RASGRP3: variants seen among roughly 807,000 people sequenced by gnomAD.
RASGRP3 encodes RAS guanyl releasing protein 3.
A neutral mutation model predicts 82.7 loss-of-function variants in RASGRP3; 54 were observed. That is an observed-to-expected ratio of 0.65 (90% CI 0.52 to 0.82). The LOEUF (loss-of-function observed/expected upper bound fraction) is 0.82, where lower values mean the gene tolerates loss of function less well. RASGRP3 is among the 40% of genes least tolerant of loss of function. The pLI, the probability that RASGRP3 is intolerant of heterozygous loss-of-function variation, is 0.00. For missense variants in RASGRP3, 861 were observed against 828.9 expected, an observed-to-expected ratio of 1.04 and a Z score of -0.48; for synonymous variants, 309 against 300.5, an observed-to-expected ratio of 1.03 and a Z score of -0.29.
At chr2:33,559,502 A>C (rs1272821979) in intron 17 of RASGRP3, 1 of 411,180 alleles carries the variant, frequency 2.4e-6, no homozygotes, top group South Asian at 1.9e-5. Context: ...GGGTGGTGAG[A>C]ATCAGAGATA....
intron 15 of RASGRP3, among the ~76,000 whole-genome samples, chr2:33,556,444 T>G (rs1354582875): frequency 1.0e-5 from 1 of 95,550 alleles, no homozygotes; most frequent in Non-Finnish European, 2.0e-5. Flanking sequence ...AGACGGGGTT[T>G]CACCTTGTTA....
At chr2:33,510,259 A>T (rs1045233337) in intron 1 of RASGRP3, among the ~76,000 whole-genome samples, 8 of 152,264 alleles carry the variant, frequency 5.3e-5, no homozygotes, top group Admixed American at 3.9e-4. Flanking sequence ...AATTGTTGAA[A>T]GTTCTAATAT....
chr2:33,469,622 G>A (rs1666938250), intron 2 of RASGRP3, among the ~76,000 whole-genome samples: 1 of 151,978 alleles, frequency 6.6e-6, no homozygotes, highest in Non-Finnish European at 1.5e-5. Flanking sequence ...ACCATGCCCA[G>A]CTAATTTTTT....
chr2:33,512,243 GA>G (rs1670992767), intron 2 of RASGRP3, among the ~76,000 whole-genome samples: 2 of 152,304 alleles, frequency 1.3e-5, no homozygotes, highest in South Asian at 4.1e-4. Flanking sequence ...ACGTGGTGAT[GA>G]GTCTTTGGTT....
Position 33,539,154 on chromosome 2 carries a change from G to T in RASGRP3, c.1222G>T (p.Val408Leu). 6.2e-7 allele frequency: 1 copy of T among 1,612,126 alleles called. No individual in the cohort carries two copies. Among genetic ancestry groups the T allele is most frequent in the Non-Finnish European group, 8.5e-7 (1 of 1,179,236 alleles). The change falls in exon 12 of 18, where the codon GTG (valine) becomes TTG (leucine). Residue 408 changes from valine (V) to leucine (L), a missense_variant. Coordinates refer to ENST00000403687, the MANE Select transcript of RASGRP3 (RefSeq NM_001139488.2). Reference protein sequence around the residue: ...PVVPLEWALGVMPKPDPTVIN... With the variant: ...PVVPLEWALGLMPKPDPTVIN... ...GGTACCCCTGGAGTGGGCATTAGGG[G>T]TGATGCCAAAGCCAGACCCCACGGT...
In RASGRP3 at chr2:33,492,169, C is replaced by T. The variant is rs560699764; in HGVS notation, c.-261+15462C>T. ...ATTTTTCCTCTCCTTTTGCATTGGG[C>T]AAGTCCATTTGCTTTAAGGTAATAA... On this transcript the variant is annotated intron_variant, in intron 1 of 17. Transcript: ENST00000403687. 2.6e-5 allele frequency among the ~76,000 whole-genome samples: 4 copies of T among 152,248 alleles called. No homozygotes were observed. The South Asian group carries it at 8.3e-4, about 32-fold the overall frequency.
intron 2 of RASGRP3, among the ~76,000 whole-genome samples, chr2:33,467,763 T>C (rs529295325): frequency 6.6e-6 from 1 of 152,312 alleles, no homozygotes; most frequent in South Asian, 2.1e-4. Context: ...TGGTACCTTT[T>C]GGGAATTTCT....
intron 1 of RASGRP3, among the ~76,000 whole-genome samples, chr2:33,442,350 C>G (rs1050431614): frequency 6.6e-6 from 1 of 152,084 alleles, no homozygotes; most frequent in East Asian, 1.9e-4. Flanking sequence ...GGTGACAGAG[C>G]GAGACTACGT....
intron 1 of RASGRP3, among the ~76,000 whole-genome samples, chr2:33,492,229 T>C (rs567185290): frequency 1.3e-5 from 2 of 152,216 alleles, no homozygotes; most frequent in South Asian, 4.1e-4. Flanking sequence ...TCAGGAATTT[T>C]GATTTCCCTT....
Position 33,563,930 on chromosome 2 carries a change from T to C in RASGRP3, c.*1193T>C, listed in dbSNP as rs1019630203. 6 of 152,124 alleles carry C rather than the reference T, an allele frequency of 3.9e-5. No individual in the cohort carries two copies. Among genetic ancestry groups the C allele is most frequent in the Non-Finnish European group, 5.9e-5 (4 of 68,034 alleles). The allele number at this position is 152,124 out of a possible 1,614,324, so 9.4% of individuals were successfully genotyped here. A position where few individuals can be genotyped will look rare whatever the true frequency, so the allele number is the denominator to read the frequency against. ...GAACTTGATTCAAGATACTGAAAAA[T>C]AGAGCTGGGACTGAGCCTGTGAATG... On this transcript the variant is annotated 3_prime_UTR_variant, in exon 18 of 18. Transcript: ENST00000403687.
At chr2:33,445,836 GA>G (rs1191701047) in intron 1 of RASGRP3, among the ~76,000 whole-genome samples, 1 of 152,060 alleles carries the variant, frequency 6.6e-6, no homozygotes, top group Non-Finnish European at 1.5e-5. Context: ...CACTAGTAAA[GA>G]ATCCAGGAAG....
intron 15 of RASGRP3, among the ~76,000 whole-genome samples, chr2:33,556,231 C>CTTTTTTTTTTTTTTTTTTTTTT (rs573022728): frequency 1.7e-4 from 10 of 57,494 alleles, no homozygotes; most frequent in Non-Finnish European, 2.3e-4. Flanking sequence ...TTCTAATAAT[C>CTTTTTTTTTTTTTTTTTTTTTT]TTTTTTTTTT....
At chr2:33,543,677 A>AT in intron 13 of RASGRP3, 50 bp downstream of exon 13, 1 of 1,291,916 alleles carries the variant, frequency 7.7e-7, no homozygotes, top group Non-Finnish European at 1.1e-6. Context: ...AAAGCAGAAA[A>AT]TTATTATCAG....
intron 1 of RASGRP3, among the ~76,000 whole-genome samples, chr2:33,500,915 G>A (rs574265292): frequency 3.3e-5 from 5 of 152,192 alleles, no homozygotes; most frequent in African/African-American, 7.2e-5. Context: ...GCCTGGCAAC[G>A]GAGCAAGACT....
chr2:33,537,330 C>CCCCCCACACA (rs66749495), intron 11 of RASGRP3, among the ~76,000 whole-genome samples: 4 of 95,686 alleles, frequency 4.2e-5, no homozygotes, highest in Non-Finnish European at 6.1e-5. Flanking sequence ...ACCGCCCCCC[C>CCCCCCACACA]CACACACACA....
intron 12 of RASGRP3, among the ~76,000 whole-genome samples, chr2:33,541,893 A>T (rs1365804729): frequency 6.8e-6 from 1 of 147,254 alleles, no homozygotes; most frequent in Non-Finnish European, 1.5e-5. Context: ...CATGAAAAAT[A>T]TTTTCATCTA....
At chr2:33,525,365 A>C (rs1672443247) in intron 9 of RASGRP3, among the ~76,000 whole-genome samples, 1 of 151,770 alleles carries the variant, frequency 6.6e-6, no homozygotes, top group Non-Finnish European at 1.5e-5. Flanking sequence ...TATTAGAAAC[A>C]GTGATCATTT....
At chr2:33,443,825 G>C (rs560223541) in intron 1 of RASGRP3, among the ~76,000 whole-genome samples, 9 of 151,676 alleles carry the variant, frequency 5.9e-5, no homozygotes, top group African/African-American at 1.9e-4. Flanking sequence ...AGTCTACAGT[G>C]AGCTATGATC....
intron 1 of RASGRP3, chr2:33,481,629 T>G (rs1667927697): frequency 6.6e-6 from 1 of 152,246 alleles, no homozygotes; most frequent in South Asian, 2.1e-4. Context: ...TCATGATATT[T>G]CCAAAGCCTA....
Sources: gnomAD v4.1 joint callset for allele counts (sites outside exome capture counted in the v4.1 genomes callset) on GRCh38, gnomAD v4.1.1 for gene constraint, MANE v1.5 for transcripts, NCBI Gene and HGNC (gene_info 2026-07-23, HGNC 2026-07-21) for gene names.